Variants in SLC30A9 observed in about 807,000 individuals in gnomAD.
SLC30A9 encodes the protein solute carrier family 30 member 9.
In SLC30A9, 58 loss-of-function variants were observed where a neutral mutation model predicts 87.5. That is an observed-to-expected ratio of 0.66 (90% CI 0.54 to 0.82). The LOEUF is 0.82. Among genes scored for constraint, SLC30A9 ranks in the 40% least tolerant of loss-of-function variants. SLC30A9 has a pLI of 0.00. For missense variants in SLC30A9, 557 were observed against 679.1 expected, an observed-to-expected ratio of 0.82 and a Z score of 2.00; for synonymous variants, 234 against 233.0, an observed-to-expected ratio of 1.00 and a Z score of -0.04.
chr4:42,053,695 C>CAAAAAAAAAAAAAAAAAAAAAAAAAA (rs56190460), intron 9 of SLC30A9, among the ~76,000 whole-genome samples: 2 of 55,922 alleles, frequency 3.6e-5, no homozygotes, highest in African/African-American at 9.5e-5. Context: ...ACTCGGTCTC[C>CAAAAAAAAAAAAAAAAAAAAAAAAAA]AAAAAAAAAA....
intron 8 of SLC30A9, 61 bp from the exon 9 acceptor site, chr4:42,049,316 A>G: frequency 2.0e-6 from 2 of 985,428 alleles, no homozygotes; most frequent in Non-Finnish European, 1.6e-6. Flanking sequence ...CTGATTGAGT[A>G]TGCTTTTGGC....
Position 42,086,185 on chromosome 4 carries a change from T to C in SLC30A9, c.*59T>C. 2 of 1,111,790 alleles carry C rather than the reference T, an allele frequency of 1.8e-6. No homozygotes were observed. The highest frequency in any genetic ancestry group is 1.7e-5 in the South Asian group (1 of 58,558). 68.9% of individuals were successfully genotyped at this position (1,111,790 alleles called of 1,614,324 possible). ...TGGAAACAAGTTTGTCCGTCCACTCTACAAAGTTTCCTCCTCTCCTACACT... is the reference window on the plus strand; with the variant it reads ...TGGAAACAAGTTTGTCCGTCCACTCCACAAAGTTTCCTCCTCTCCTACACT... On this transcript the variant is annotated 3_prime_UTR_variant, in exon 18 of 18. Transcript: ENST00000264451.
intron 2 of SLC30A9, among the ~76,000 whole-genome samples, chr4:42,002,262 T>C (rs1715017528): frequency 6.6e-6 from 1 of 152,110 alleles, no homozygotes; most frequent in African/African-American, 2.4e-5. Flanking sequence ...CATTATTTTT[T>C]GTTTTGTTTT....
At chr4:42,018,614 G>C in intron 3 of SLC30A9, 1 of 258,954 alleles carries the variant, frequency 3.9e-6, no homozygotes, top group Non-Finnish European at 7.2e-6. Context: ...CTCCAAAGCA[G>C]CTGTTTCATG....
intron 10 of SLC30A9, among the ~76,000 whole-genome samples, chr4:42,060,700 G>A (rs559046364): frequency 2.6e-5 from 4 of 152,200 alleles, no homozygotes; most frequent in East Asian, 1.9e-4. Flanking sequence ...TGTAAAATGA[G>A]TATACTTTTT....
At chr4:42,034,903 A>G (rs926654103) in intron 6 of SLC30A9, among the ~76,000 whole-genome samples, 4 of 152,176 alleles carry the variant, frequency 2.6e-5, no homozygotes, top group South Asian at 2.1e-4. Flanking sequence ...CATCAGTGCA[A>G]AAAGGTTCCA....
chr4:42,017,284 T>G (rs1715761131), intron 2 of SLC30A9, among the ~76,000 whole-genome samples: 1 of 152,118 alleles, frequency 6.6e-6, no homozygotes, highest in Non-Finnish European at 1.5e-5. Flanking sequence ...TTTTTTGATC[T>G]AGAGGACTTA....
intron 8 of SLC30A9, among the ~76,000 whole-genome samples, chr4:42,048,666 T>A (rs537709374): frequency 6.6e-6 from 1 of 152,316 alleles, no homozygotes; most frequent in South Asian, 2.1e-4. Context: ...ATCTGCCTCC[T>A]TAAGTAAACA....
rs964190304 is a variant in SLC30A9 at position 42,088,015 on chromosome 4, A to C, written c.*1889A>C. On this transcript the variant is annotated 3_prime_UTR_variant, in exon 18 of 18. Coordinates refer to ENST00000264451, the MANE Select transcript of SLC30A9 (RefSeq NM_006345.4). ...AATTTTTTTTTTTTAGGATTCCCTA[A>C]TAAAAAAAAAAAAAATTCTGATATT... 2.0e-5 allele frequency: 3 copies of C among 150,668 alleles called. No homozygotes were observed. Among genetic ancestry groups the C allele is most frequent in the Non-Finnish European group, 4.4e-5 (3 of 67,694 alleles). The allele number at this position is 150,668 out of a possible 1,614,324, so 9.3% of individuals were successfully genotyped here.
At position 42,088,999 on chromosome 4, in the gene SLC30A9, T is replaced by A. The variant is rs1174513096; in HGVS notation, c.*2873T>A. The A allele has an allele frequency of 7.2e-6, 1 of 139,774 alleles. No homozygotes were observed. Among genetic ancestry groups the A allele is most frequent in the Non-Finnish European group, 1.6e-5 (1 of 63,388 alleles). 8.7% of individuals were successfully genotyped at this position (139,774 alleles called of 1,614,324 possible). On this transcript the variant is annotated 3_prime_UTR_variant, in exon 18 of 18. Transcript: ENST00000264451. ...GCTATATTTAGTTTTTCAGGTTTCT[T>A]GTTATTTTACCAAATTAATGTTTCT... is the stretch of plus-strand genomic sequence containing the variant.
intron 2 of SLC30A9, among the ~76,000 whole-genome samples, chr4:42,006,686 CAAA>C (rs61627323): frequency 1.0e-3 from 130 of 129,236 alleles, no homozygotes; most frequent in East Asian, 1.5e-3. Context: ...GACCCTGTCT[CAAA>C]AAAAAAAAAA....
intron 17 of SLC30A9, among the ~76,000 whole-genome samples, chr4:42,084,555 T>G (rs1253433564): frequency 6.6e-6 from 1 of 152,180 alleles, no homozygotes; most frequent in Non-Finnish European, 1.5e-5. Context: ...CACTGCAACC[T>G]CTGCCTCCCG....
At chr4:42,031,179 GTTC>G (rs1716418811) in intron 6 of SLC30A9, among the ~76,000 whole-genome samples, 1 of 151,734 alleles carries the variant, frequency 6.6e-6, no homozygotes, top group Admixed American at 6.6e-5. Flanking sequence ...CAAAGTCCAT[GTTC>G]TAATAATTGC....
Position 42,089,913 on chromosome 4 carries a change from A to G in SLC30A9, c.*3787A>G, listed in dbSNP as rs1719041375. ...GCAAAGTGAATAACAAAATGTCATA[A>G]GGCTTGAGTTTTTGGTATATGGCTT... On this transcript the variant is annotated 3_prime_UTR_variant, in exon 18 of 18. Coordinates refer to ENST00000264451, the MANE Select transcript of SLC30A9 (RefSeq NM_006345.4). The G allele has an allele frequency of 6.6e-6, 1 of 152,228 alleles. No individual in the cohort carries two copies. The highest frequency in any genetic ancestry group is 6.5e-5 in the Admixed American group (1 of 15,286). The allele number at this position is 152,228 out of a possible 1,614,324, so 9.4% of individuals were successfully genotyped here.
intron 15 of SLC30A9, among the ~76,000 whole-genome samples, chr4:42,074,610 G>A (rs985625052): frequency 6.6e-6 from 1 of 152,140 alleles, no homozygotes; most frequent in Non-Finnish European, 1.5e-5. Flanking sequence ...GTCCTAATCT[G>A]CTGTTTACTA....
At chr4:42,052,045 A>C (rs917090976) in intron 9 of SLC30A9, among the ~76,000 whole-genome samples, 1 of 151,278 alleles carries the variant, frequency 6.6e-6, no homozygotes, top group African/African-American at 2.4e-5. Context: ...AGATTTCAGG[A>C]GTGTAAAGTT....
chr4:42,075,825 A>T (rs369290202), intron 16 of SLC30A9, 39 bp downstream of exon 16: 10 of 1,582,362 alleles, frequency 6.3e-6, no homozygotes, highest in Non-Finnish European at 8.6e-6. Context: ...ACTGAGGGTT[A>T]GAAAAATGCT....
Position 42,078,475 on chromosome 4 carries a change from G to T in SLC30A9, c.1662+150G>T, listed in dbSNP as rs10034708. On this transcript the variant is annotated intron_variant, in intron 17 of 17. Coordinates refer to ENST00000264451, the MANE Select transcript of SLC30A9 (RefSeq NM_006345.4). ...TGTAGGTATTTATAAGCAAGAAAAT[G>T]ACTGGGTTAGATAAGTTGAATAATT... The T allele has an allele frequency of 2.0e-3, 952 of 477,154 alleles. 6 individuals are homozygous for T. The highest frequency in any genetic ancestry group is 0.018 in the African/African-American group (871 of 48,820). 29.6% of individuals were successfully genotyped at this position (477,154 alleles called of 1,614,324 possible). A position where few individuals can be genotyped will look rare whatever the true frequency, so the allele number is the denominator to read the frequency against.
intron 8 of SLC30A9, among the ~76,000 whole-genome samples, chr4:42,046,125 A>G (rs1336153501): frequency 6.6e-6 from 1 of 152,218 alleles, no homozygotes; most frequent in Non-Finnish European, 1.5e-5. Flanking sequence ...CACAGCCAAT[A>G]TCATACTGAA....
Sources: gnomAD v4.1 joint callset for allele counts (sites outside exome capture counted in the v4.1 genomes callset) on GRCh38, gnomAD v4.1.1 for gene constraint, MANE v1.5 for transcripts, NCBI Gene and HGNC (gene_info 2026-07-23, HGNC 2026-07-21) for gene names.